ZBTB7C: variants seen among roughly 807,000 people sequenced by gnomAD.
ZBTB7C encodes zinc finger and BTB domain-containing protein 7C.
In ZBTB7C, 8 loss-of-function variants were observed where a neutral mutation model predicts 25.7. The ratio of observed to expected loss-of-function variants is 0.31; its 90% CI spans 0.18 to 0.56. The LOEUF (loss-of-function observed/expected upper bound fraction) is 0.56. ZBTB7C is among the 20% of genes least tolerant of loss of function. The pLI is 0.91. For synonymous variants in ZBTB7C, 394 were observed against 369.0 expected (o/e 1.07, Z -0.78); for missense variants, 824 against 855.2 (o/e 0.96, Z 0.46).
Position 48,040,844 on chromosome 18 carries a change from G to A in ZBTB7C, c.264C>T (p.Ile88=). 1 of 1,614,044 alleles carries A rather than the reference G, an allele frequency of 6.2e-7. No homozygotes were observed. The highest frequency in any genetic ancestry group is 8.5e-7 in the Non-Finnish European group (1 of 1,179,968). The change falls in exon 4 of 5, where the codon ATC becomes ATT. Residue 88 remains isoleucine, a synonymous_variant. Transcript: ENST00000590800. ...DFVQPEALAA[I]LEFAYTSTLT... ...GCGTGGAGGTGTAGGCGAACTCCAG[G>A]ATAGCAGCCAGAGCCTCAGGCTGGA...
chr18:48,041,707 T>C (rs112139658), intron 3 of ZBTB7C, among the ~76,000 whole-genome samples: 2 of 151,938 alleles, frequency 1.3e-5, no homozygotes, highest in South Asian at 4.2e-4. Flanking sequence ...TTCATTGCAG[T>C]TGAAGTTTCC....
chr18:48,387,410 T>G (rs2047774457), intron 1 of ZBTB7C, among the ~76,000 whole-genome samples: 1 of 152,206 alleles, frequency 6.6e-6, no homozygotes, highest in Non-Finnish European at 1.5e-5. Flanking sequence ...TGAATGGGGT[T>G]TTATTTCTAA....
At chr18:48,174,830 G>C (rs1390772932) in intron 3 of ZBTB7C, among the ~76,000 whole-genome samples, 1 of 152,098 alleles carries the variant, frequency 6.6e-6, no homozygotes, top group Non-Finnish European at 1.5e-5. Context: ...TCTATATATA[G>C]TGCTACCTTT....
intron 1 of ZBTB7C, among the ~76,000 whole-genome samples, chr18:48,350,790 G>A (rs375457395): frequency 6.6e-6 from 1 of 152,136 alleles, no homozygotes; most frequent in Admixed American, 6.5e-5. Flanking sequence ...CCATGGTACA[G>A]TACCATAATA....
intron 2 of ZBTB7C, among the ~76,000 whole-genome samples, chr18:48,213,341 C>T (rs1055974453): frequency 6.6e-6 from 1 of 152,204 alleles, no homozygotes; most frequent in African/African-American, 2.4e-5. Context: ...CCCATGATGG[C>T]CTGCTGCAGA....
At chr18:48,160,080 C>T (rs2040956303) in intron 3 of ZBTB7C, among the ~76,000 whole-genome samples, 1 of 152,212 alleles carries the variant, frequency 6.6e-6, no homozygotes, top group Non-Finnish European at 1.5e-5. Flanking sequence ...TGCTCGGACC[C>T]ACCTCCAGAC....
intron 4 of ZBTB7C, among the ~76,000 whole-genome samples, chr18:48,039,385 C>T (rs2036115210): frequency 6.6e-6 from 1 of 152,212 alleles, no homozygotes; most frequent in African/African-American, 2.4e-5. Context: ...GGAGATGTGT[C>T]ATAAACAAAG....
chr18:48,093,852 G>A (rs537375595), intron 3 of ZBTB7C, among the ~76,000 whole-genome samples: 4 of 152,254 alleles, frequency 2.6e-5, no homozygotes, highest in South Asian at 2.1e-4. Flanking sequence ...TCAGGAGATC[G>A]AGACCATCCT....
chr18:48,373,651 C>T (rs1300083284), intron 1 of ZBTB7C, among the ~76,000 whole-genome samples: 1 of 152,194 alleles, frequency 6.6e-6, no homozygotes, highest in East Asian at 1.9e-4. Flanking sequence ...TCTGAGTTCA[C>T]ATGAGATCTG....
chr18:48,371,723 C>T (rs559786931), intron 1 of ZBTB7C, among the ~76,000 whole-genome samples: 1 of 152,274 alleles, frequency 6.6e-6, no homozygotes, highest in South Asian at 2.1e-4. Flanking sequence ...CTGAAACTCC[C>T]TAGAAGTACT....
intron 2 of ZBTB7C, among the ~76,000 whole-genome samples, chr18:48,204,410 C>T (rs1347605048): frequency 1.3e-5 from 2 of 152,160 alleles, no homozygotes; most frequent in African/African-American, 4.8e-5. Context: ...GGGAGAGGCT[C>T]AGAGCCAGGT....
chr18:48,294,557 G>A (rs2045334130), intron 2 of ZBTB7C, among the ~76,000 whole-genome samples: 1 of 152,114 alleles, frequency 6.6e-6, no homozygotes, highest in Non-Finnish European at 1.5e-5. Flanking sequence ...GAGGCCATTT[G>A]TGAGGATTTG....
At chr18:48,232,023 T>C (rs1386181615) in intron 2 of ZBTB7C, among the ~76,000 whole-genome samples, 1 of 152,208 alleles carries the variant, frequency 6.6e-6, no homozygotes, top group Non-Finnish European at 1.5e-5. Context: ...TACCCCTCGC[T>C]GCTCCACACC....
At chr18:48,197,452 C>T (rs1051506557) in intron 2 of ZBTB7C, among the ~76,000 whole-genome samples, 3 of 152,222 alleles carry the variant, frequency 2.0e-5, no homozygotes, top group Admixed American at 6.5e-5. Context: ...CCAGAGATAA[C>T]AGCTCTCAAT....
intron 1 of ZBTB7C, among the ~76,000 whole-genome samples, chr18:48,379,570 T>A (rs1243660240): frequency 6.6e-6 from 1 of 152,176 alleles, no homozygotes; most frequent in Non-Finnish European, 1.5e-5. Flanking sequence ...CTTTTATCTT[T>A]ATCTAAGGTA....
chr18:48,106,159 C>T lies in ZBTB7C; in HGVS notation c.-16-65036G>A, dbSNP rs375547733. On this transcript the variant is annotated intron_variant, in intron 3 of 4. Transcript: ENST00000590800. ...CCTTGGTGGCTGTCCCCGCACCACA[C>T]GGGGAGGGATTGAACAATTCTAGCT... 1.2e-3 allele frequency among the ~76,000 whole-genome samples: 180 copies of T among 152,282 alleles called. 2 individuals are homozygous for T. The highest frequency in any genetic ancestry group is 4.0e-3 in the African/African-American group (166 of 41,566).
chr18:48,104,099 T>C (rs943317127), intron 3 of ZBTB7C, among the ~76,000 whole-genome samples: 2 of 152,146 alleles, frequency 1.3e-5, no homozygotes, highest in African/African-American at 4.8e-5. Context: ...GTATGTGATA[T>C]AGTTTGGATA....
Position 48,147,187 on chromosome 18 carries a change from C to T in ZBTB7C, c.-17+38747G>A, listed in dbSNP as rs187676935. Reference sequence around the variant, plus strand: ...CCGCCTCCTGGGTTCAAGTGATTCTCGTGCCTCAGCATCCCAAGTGGATAG... The same window carrying T: ...CCGCCTCCTGGGTTCAAGTGATTCTTGTGCCTCAGCATCCCAAGTGGATAG... On this transcript the variant is annotated intron_variant, in intron 3 of 4. Transcript: ENST00000590800. Among the ~76,000 whole-genome samples the T allele has an allele frequency of 1.1e-3, 163 of 152,206 alleles. 1 individual carries two copies. The highest frequency in any genetic ancestry group is 3.8e-3 in the African/African-American group (159 of 41,516).
chr18:48,292,391 C>T (rs569576396), intron 2 of ZBTB7C, among the ~76,000 whole-genome samples: 7 of 152,256 alleles, frequency 4.6e-5, no homozygotes, highest in Admixed American at 3.3e-4. Flanking sequence ...GAGTGAGGTT[C>T]GAGCTTAGGC....
Sources: allele counts gnomAD v4.1 joint callset (sites outside exome capture counted in the v4.1 genomes callset), GRCh38; gene constraint gnomAD v4.1.1; transcripts MANE v1.5; gene names NCBI Gene and HGNC (gene_info 2026-07-23, HGNC 2026-07-21).